The following FMN1 variants were observed in gnomAD, a reference collection of about 807,000 sequenced individuals.
FMN1 encodes formin-1.
Under a neutral mutation model 132.4 loss-of-function variants are expected in FMN1, and 110 were observed. The ratio of observed to expected loss-of-function variants is 0.83; its 90% confidence interval spans 0.71 to 0.97. FMN1 has a LOEUF of 0.97. Among genes scored for constraint, FMN1 ranks in the 50% least tolerant of loss-of-function variants. The pLI, the probability that FMN1 is intolerant of heterozygous loss-of-function variation, is 0.00. For missense variants in FMN1, 1,792 were observed against 1,705.3 expected (o/e 1.05, Z -0.90); for synonymous variants, 722 against 651.7 (o/e 1.11, Z -1.64).
intron 19 of FMN1, among the ~76,000 whole-genome samples, chr15:32,789,024 T>C: frequency 6.6e-6 from 1 of 152,218 alleles, no homozygotes; most frequent in Middle Eastern, 3.2e-3. Flanking sequence ...AAACAAGATT[T>C]TTCATCTATC....
chr15:32,864,264 G>A (rs964794693), intron 16 of FMN1, among the ~76,000 whole-genome samples: 1 of 152,144 alleles, frequency 6.6e-6, no homozygotes, highest in Admixed American at 6.5e-5. Context: ...TTAAATCTTG[G>A]CAGGGTTAAG....
intron 17 of FMN1, among the ~76,000 whole-genome samples, chr15:32,808,529 A>T (rs753413706): frequency 1.8e-4 from 28 of 152,186 alleles, no homozygotes; most frequent in Non-Finnish European, 3.5e-4. Flanking sequence ...TGGGTTTTGC[A>T]CCAGGTGGAC....
At chr15:33,044,613 G>A (rs1300058837) in intron 6 of FMN1, among the ~76,000 whole-genome samples, 4 of 152,074 alleles carry the variant, frequency 2.6e-5, no homozygotes, top group Non-Finnish European at 4.4e-5. Context: ...TCTCCTCTCT[G>A]CTGAGAGCTG....
Position 33,176,505 on chromosome 15 carries a change from C to CAAA in FMN1, c.-132+3692_-132+3693insTTT, listed in dbSNP as rs1491458030. Among the ~76,000 whole-genome samples the CAAA allele has an allele frequency of 5.6e-4, 28 of 49,608 alleles. 3 individuals are homozygous for CAAA. The highest frequency in any genetic ancestry group is 6.6e-4 in the African/African-American group (9 of 13,566). The allele number at this position is 49,608 out of a possible 152,430, so 32.5% of individuals were successfully genotyped here. On this transcript the variant is annotated intron_variant, in intron 3 of 20. Coordinates refer to ENST00000616417, the MANE Select transcript of FMN1 (RefSeq NM_001277313.2). The stretch of plus-strand genomic sequence containing the variant: ...TGGGCGACAGAGTGAGACCCTGTCT[C>CAAA]CAAAAAAAAAAAAAAAAAAAAAAAT...
intron 4 of FMN1, among the ~76,000 whole-genome samples, chr15:33,100,692 C>T (rs1447462553): frequency 6.6e-6 from 1 of 152,076 alleles, no homozygotes; most frequent in African/African-American, 2.4e-5. Context: ...AATAAAAATC[C>T]ACTTGTGTGA....
chr15:33,074,659 G>A (rs1328576313), intron 5 of FMN1, among the ~76,000 whole-genome samples: 3 of 152,178 alleles, frequency 2.0e-5, no homozygotes, highest in Non-Finnish European at 4.4e-5. Context: ...TTGAACAAAG[G>A]AAGACAGCAG....
intron 17 of FMN1, among the ~76,000 whole-genome samples, chr15:32,838,749 C>A (rs2058681451): frequency 6.6e-6 from 1 of 152,200 alleles, no homozygotes; most frequent in South Asian, 2.1e-4. Flanking sequence ...AAAATCAAGG[C>A]AACAGAATCC....
chr15:33,004,810 T>C (rs1050570552), intron 7 of FMN1, among the ~76,000 whole-genome samples: 3 of 152,278 alleles, frequency 2.0e-5, no homozygotes, highest in African/African-American at 7.2e-5. Flanking sequence ...AATGATAGAC[T>C]GAATTAAGAA....
At chr15:32,911,346 C>T (rs925162140) in intron 10 of FMN1, among the ~76,000 whole-genome samples, 2 of 139,736 alleles carry the variant, frequency 1.4e-5, no homozygotes, top group Admixed American at 1.4e-4. Flanking sequence ...TCCCTCAACC[C>T]TACCTCCCTT....
chr15:32,977,714 G>T (rs1205982375), intron 7 of FMN1, among the ~76,000 whole-genome samples: 1 of 152,022 alleles, frequency 6.6e-6, no homozygotes. Flanking sequence ...ATTCATAAAA[G>T]CTTCATAAGA....
intron 5 of FMN1, among the ~76,000 whole-genome samples, chr15:33,065,394 A>G (rs1171309779): frequency 6.6e-6 from 1 of 152,188 alleles, no homozygotes; most frequent in East Asian, 1.9e-4. Flanking sequence ...GTACAGACAT[A>G]AATGTACTAC....
chr15:32,857,042 C>T lies in FMN1; in HGVS notation c.3901G>A (p.Asp1301Asn). The change falls in exon 17 of 21, where the codon GAC (aspartate) becomes AAC (asparagine). Residue 1301 changes from aspartate to asparagine, a missense_variant. Asp to Asn is a conservative substitution (Grantham distance 23). Transcript: ENST00000616417. ...TTTTGGAAGAACTCCTCTAGTTTGT[C>T]CTTGAAAGGCTGGAGATACTCCTTT... Reference protein sequence around the residue: ...SPKEYLQPFKDKLEEFFQKAK... With the variant: ...SPKEYLQPFKNKLEEFFQKAK... 2 of 1,613,800 alleles carry T rather than the reference C, an allele frequency of 1.2e-6. No individual in the cohort carries two copies. The highest frequency in any genetic ancestry group is 1.7e-6 in the Non-Finnish European group (2 of 1,179,688).
At chr15:32,826,563 T>C (rs1169527937) in intron 17 of FMN1, among the ~76,000 whole-genome samples, 1 of 152,162 alleles carries the variant, frequency 6.6e-6, no homozygotes, top group Non-Finnish European at 1.5e-5. Flanking sequence ...GCAGACCAAT[T>C]TAATGAGAAA....
At chr15:33,053,624 A>G (rs2037079976) in intron 6 of FMN1, among the ~76,000 whole-genome samples, 1 of 152,156 alleles carries the variant, frequency 6.6e-6, no homozygotes, top group Admixed American at 6.5e-5. Context: ...GTGTTCCCAC[A>G]ATACTCCCCA....
intron 6 of FMN1, among the ~76,000 whole-genome samples, chr15:33,061,372 A>G (rs1411691860): frequency 3.9e-5 from 6 of 152,310 alleles, no homozygotes; most frequent in African/African-American, 1.2e-4. Flanking sequence ...TCATGTATTT[A>G]TCTTTTAAAA....
At chr15:33,150,627 C>T in intron 4 of FMN1, 1 of 985,506 alleles carries the variant, frequency 1.0e-6, no homozygotes, top group Non-Finnish European at 1.2e-6. Context: ...AAGCGGGTTT[C>T]ACTGGTTCCT....
intron 17 of FMN1, among the ~76,000 whole-genome samples, chr15:32,828,825 A>G (rs1378780227): frequency 6.6e-6 from 1 of 152,226 alleles, no homozygotes; most frequent in Admixed American, 6.5e-5. Flanking sequence ...ATATTGATAC[A>G]ACAAAGGAAC....
intron 16 of FMN1, among the ~76,000 whole-genome samples, chr15:32,874,781 A>G (rs1317172777): frequency 6.6e-6 from 1 of 152,250 alleles, no homozygotes; most frequent in Non-Finnish European, 1.5e-5. Flanking sequence ...CTAAGAATAA[A>G]TATTTGCTGA....
intron 16 of FMN1, among the ~76,000 whole-genome samples, chr15:32,878,165 C>A (rs1411453563): frequency 6.6e-6 from 1 of 152,074 alleles, no homozygotes; most frequent in Non-Finnish European, 1.5e-5. Flanking sequence ...AGGAGAGGGA[C>A]CCACTACTGC....
Sources: gnomAD v4.1 joint callset for allele counts (sites outside exome capture counted in the v4.1 genomes callset) on GRCh38, gnomAD v4.1.1 for gene constraint, MANE v1.5 for transcripts, NCBI Gene and HGNC (gene_info 2026-07-23, HGNC 2026-07-21) for gene names.